Variants in RAB33B observed in about 807,000 individuals in gnomAD.
RAB33B encodes the protein RAB33B, member RAS oncogene family, also known as ras-related protein Rab-33B.
In RAB33B, 6 loss-of-function variants were observed where a neutral mutation model predicts 15.0. The observed-to-expected ratio is 0.40, with a 90% CI of 0.22 to 0.79. The LOEUF (loss-of-function observed/expected upper bound fraction) is 0.79. Ranked by LOEUF, RAB33B falls within the 30% of genes least tolerant of loss-of-function variation. The pLI is 0.37. For missense variants in RAB33B, 257 were observed against 296.4 expected, an observed-to-expected ratio of 0.87 and a Z score of 0.98; for synonymous variants, 117 against 108.3, an observed-to-expected ratio of 1.08 and a Z score of -0.50.
rs541647594 is a variant in RAB33B at position 139,468,746 on chromosome 4, A to G, written c.250-3940A>G. On this transcript the variant is annotated intron_variant, in intron 1 of 1. Transcript: ENST00000305626. ...CTTCAGCATTTCTTGTAGCAGAGGT[A>G]TGGTATTGATCAAACCCTTCAGCTT... Among the ~76,000 whole-genome samples, 29 of 152,286 alleles carry G rather than the reference A, an allele frequency of 1.9e-4. No individual in the cohort carries two copies. The South Asian group carries it at 5.0e-3, about 26-fold the overall frequency.
upstream of RAB33B, chr4:139,453,329 C>T (rs1412011698): frequency 6.6e-6 from 1 of 152,286 alleles, no homozygotes; most frequent in African/African-American, 2.4e-5. Context: ...TGCGCTGTAC[C>T]TAGGCCTCGA....
intron 1 of RAB33B, among the ~76,000 whole-genome samples, chr4:139,460,488 T>C (rs890262289): frequency 6.6e-6 from 1 of 152,240 alleles, no homozygotes; most frequent in Non-Finnish European, 1.5e-5. Flanking sequence ...TAATTATTGT[T>C]CTGTGTTGAT....
At position 139,470,710 on chromosome 4, in the gene RAB33B, G is replaced by C. The variant is rs140383914; in HGVS notation, c.250-1976G>C. On this transcript the variant is annotated intron_variant, in intron 1 of 1. Transcript: ENST00000305626. ...GTCAATGTAGTGCCTGGGTATGCCA[G>C]CTGTTTTTTCAGGGCCCGAAGGCTC... is the stretch of plus-strand genomic sequence containing the variant. Among the ~76,000 whole-genome samples, 17 of 152,296 alleles carry C rather than the reference G, an allele frequency of 1.1e-4. No homozygotes were observed. In the East Asian group the frequency reaches 2.9e-3, roughly 26 times the overall value.
At chr4:139,454,493 A>G (rs773859206) in intron 1 of RAB33B, 49 bp downstream of exon 1, 6 of 1,578,868 alleles carry the variant, frequency 3.8e-6, no homozygotes, top group South Asian at 2.3e-5. Context: ...AGGTGTCCCA[A>G]CCCCACCGTG....
At chr4:139,450,689 C>T (rs1243568786), upstream of RAB33B, 1 of 152,190 alleles carries the variant, frequency 6.6e-6, no homozygotes, top group Non-Finnish European at 1.5e-5. Flanking sequence ...GGTTGAGAAT[C>T]CTTTCTTTCA....
In RAB33B at chr4:139,454,309, G is replaced by C. The variant is rs1375196204; in HGVS notation, c.114G>C (p.Val38=). ...GCTCCCGCATCTTCAAGATAATCGT[G>C]ATCGGCGACTCCAATGTGGGCAAGA... is the stretch of plus-strand genomic sequence containing the variant. ...PARSRIFKII[V]IGDSNVGKTC... The change falls in exon 1 of 2, where the codon GTG becomes GTC. Residue 38 remains valine, a synonymous_variant. Coordinates refer to ENST00000305626, the MANE Select transcript of RAB33B (RefSeq NM_031296.3). 6.2e-7 allele frequency: 1 copy of C among 1,614,202 alleles called. No homozygotes were observed. The highest frequency in any genetic ancestry group is 8.5e-7 in the Non-Finnish European group (1 of 1,180,036).
intron 1 of RAB33B, among the ~76,000 whole-genome samples, chr4:139,458,425 A>G (rs545102454): frequency 1.0e-3 from 153 of 152,286 alleles, no homozygotes; most frequent in Non-Finnish European, 1.8e-3. Flanking sequence ...ATAGTACCCA[A>G]TAGGTATTTT....
the RAB33B span, among the ~76,000 whole-genome samples, chr4:139,444,254 A>G: frequency 6.6e-6 from 1 of 152,178 alleles, no homozygotes; most frequent in East Asian, 1.9e-4. Context: ...GTTAGCTGAA[A>G]TATGGATTAA....
At chr4:139,442,676 A>C in the RAB33B span, among the ~76,000 whole-genome samples, 1 of 152,210 alleles carries the variant, frequency 6.6e-6, no homozygotes, top group Non-Finnish European at 1.5e-5. Context: ...TCAGACTCCA[A>C]GTTCTTCAGG....
At chr4:139,463,403 T>G (rs150735017) in intron 1 of RAB33B, among the ~76,000 whole-genome samples, 2,508 of 152,300 alleles carry the variant, frequency 0.016, 33 homozygotes, top group South Asian at 0.057. Flanking sequence ...CCCAAAGTGC[T>G]GTGATGACAG....
rs771409925 is a variant in RAB33B at position 139,473,159 on chromosome 4, C to T, written c.*33C>T. 1.4e-5 allele frequency: 21 copies of T among 1,508,658 alleles called. No homozygotes were observed. Among genetic ancestry groups the T allele is most frequent in the Non-Finnish European group, 8.9e-7 (1 of 1,121,678 alleles). The allele number at this position is 1,508,658 out of a possible 1,614,324, so 93.5% of individuals were successfully genotyped here. A position where few individuals can be genotyped will look rare whatever the true frequency, so the allele number is the denominator to read the frequency against. On this transcript the variant is annotated 3_prime_UTR_variant, in exon 2 of 2. Transcript: ENST00000305626. ...TCTTTATTATATTATCTAATTTTGA[C>T]TAAAGAAATACTTTTGAAGTATGAC...
intron 1 of RAB33B, among the ~76,000 whole-genome samples, chr4:139,461,117 A>G (rs1169728939): frequency 1.3e-5 from 2 of 152,216 alleles, no homozygotes; most frequent in East Asian, 1.9e-4. Context: ...AAAGCCTAGA[A>G]GTAAATTTCT....
At chr4:139,467,715 G>A (rs1451449063) in intron 1 of RAB33B, among the ~76,000 whole-genome samples, 4 of 151,684 alleles carry the variant, frequency 2.6e-5, no homozygotes, top group Non-Finnish European at 5.9e-5. Flanking sequence ...CAAATTAGCC[G>A]GGTATGTTAT....
chr4:139,456,863 A>T (rs920996265), intron 1 of RAB33B, among the ~76,000 whole-genome samples: 3 of 152,192 alleles, frequency 2.0e-5, no homozygotes, highest in Non-Finnish European at 4.4e-5. Flanking sequence ...CTGAAAAGTG[A>T]TATAAAGAGC....
intron 1 of RAB33B, among the ~76,000 whole-genome samples, chr4:139,469,327 G>C (rs1273081080): frequency 6.6e-6 from 1 of 152,066 alleles, no homozygotes; most frequent in Non-Finnish European, 1.5e-5. Flanking sequence ...TCTTCTGCTT[G>C]ATCAGTTCTG....
At position 139,473,224 on chromosome 4, in the gene RAB33B, C is replaced by T. The variant is rs941046560; in HGVS notation, c.*98C>T. The stretch of plus-strand genomic sequence containing the variant: ...AGATTTAATCTCAACTATAATGGGT[C>T]ATCTTGACACTTTGCTGTTTGTCAT... On this transcript the variant is annotated 3_prime_UTR_variant, in exon 2 of 2. Transcript: ENST00000305626. The T allele has an allele frequency of 1.9e-6, 2 of 1,029,066 alleles. No individual in the cohort carries two copies. Among genetic ancestry groups the T allele is most frequent in the African/African-American group, 3.2e-5 (2 of 61,640 alleles). The allele number at this position is 1,029,066 out of a possible 1,614,324, so 63.7% of individuals were successfully genotyped here.
chr4:139,457,681 G>T (rs1387984007), intron 1 of RAB33B, among the ~76,000 whole-genome samples: 3 of 152,094 alleles, frequency 2.0e-5, no homozygotes, highest in Non-Finnish European at 2.9e-5. Flanking sequence ...ACGGCACAAG[G>T]GTCAGCAAAC....
chr4:139,473,215 A>G lies in RAB33B; in HGVS notation c.*89A>G. 2 of 1,125,344 alleles carry G rather than the reference A, an allele frequency of 1.8e-6. No homozygotes were observed. Among genetic ancestry groups the G allele is most frequent in the Non-Finnish European group, 2.5e-6 (2 of 805,310 alleles). 69.7% of individuals were successfully genotyped at this position (1,125,344 alleles called of 1,614,324 possible). A position where few individuals can be genotyped will look rare whatever the true frequency, so the allele number is the denominator to read the frequency against. ...TAAGTCATAAGATTTAATCTCAACT[A>G]TAATGGGTCATCTTGACACTTTGCT... On this transcript the variant is annotated 3_prime_UTR_variant, in exon 2 of 2. Coordinates refer to ENST00000305626, the MANE Select transcript of RAB33B (RefSeq NM_031296.3).
In RAB33B at chr4:139,476,587, A is replaced by G. The variant is rs1201503157; in HGVS notation, c.*3461A>G. The G allele has an allele frequency of 2.6e-5, 4 of 152,220 alleles. No individual in the cohort carries two copies. Among genetic ancestry groups the G allele is most frequent in the Non-Finnish European group, 5.9e-5 (4 of 68,048 alleles). 9.4% of individuals were successfully genotyped at this position (152,220 alleles called of 1,614,324 possible). A position where few individuals can be genotyped will look rare whatever the true frequency, so the allele number is the denominator to read the frequency against. ...ATCAAGTATGGGTCATGTGTTCTCTATTTGTGTTAGTGGAGCTACATAGAC... is the reference window on the plus strand; with the variant it reads ...ATCAAGTATGGGTCATGTGTTCTCTGTTTGTGTTAGTGGAGCTACATAGAC... On this transcript the variant is annotated 3_prime_UTR_variant, in exon 2 of 2. Coordinates refer to ENST00000305626, the MANE Select transcript of RAB33B (RefSeq NM_031296.3).
Sources: gnomAD v4.1 joint callset for allele counts (sites outside exome capture counted in the v4.1 genomes callset) on GRCh38, gnomAD v4.1.1 for gene constraint, MANE v1.5 for transcripts, NCBI Gene and HGNC (gene_info 2026-07-23, HGNC 2026-07-21) for gene names.